CAST: variants seen among roughly 807,000 people sequenced by gnomAD.
The protein encoded by CAST is MIR583 host.
Under a neutral mutation model 119.6 loss-of-function variants are expected in CAST, and 76 were observed. The ratio of observed to expected loss-of-function variants is 0.64; its 90% CI spans 0.53 to 0.77. The LOEUF is 0.77. CAST is among the 30% of genes least tolerant of loss of function. The pLI is 0.00. For missense variants in CAST, 953 were observed against 946.5 expected, an observed-to-expected ratio of 1.01 and a Z score of -0.09; for synonymous variants, 319 against 331.6, an observed-to-expected ratio of 0.96 and a Z score of 0.41.
chr5:96,066,836 T>A, the CAST span, among the ~76,000 whole-genome samples: 738 of 147,348 alleles, frequency 5.0e-3, 7 homozygotes, highest in African/African-American at 0.017. Flanking sequence ...GTTAACAAAA[T>A]TTTTTTTTTT....
At chr5:96,111,398 C>G in the CAST span, among the ~76,000 whole-genome samples, 1 of 152,192 alleles carries the variant, frequency 6.6e-6, no homozygotes, top group East Asian at 1.9e-4. Flanking sequence ...TATGAAGGCT[C>G]TATTATGTAG....
the CAST span, among the ~76,000 whole-genome samples, chr5:96,078,976 A>G: frequency 6.6e-6 from 1 of 152,082 alleles, no homozygotes; most frequent in Non-Finnish European, 1.5e-5. Context: ...AGGAAGTATA[A>G]TTAATGGGTT....
the CAST span, among the ~76,000 whole-genome samples, chr5:96,160,680 T>G: frequency 6.4e-3 from 977 of 152,302 alleles, 11 homozygotes; most frequent in African/African-American, 0.022. Context: ...TTTTAGGAAC[T>G]GCCAAACTGT....
intron 14 of CAST, 58 bp downstream of exon 14, chr5:96,741,416 G>T: frequency 6.8e-7 from 1 of 1,477,296 alleles, no homozygotes; most frequent in Non-Finnish European, 9.5e-7. Context: ...AACTTTAAAA[G>T]AATAACTTTT....
the CAST span, among the ~76,000 whole-genome samples, chr5:96,102,200 G>T: frequency 2.0e-5 from 3 of 152,282 alleles, no homozygotes; most frequent in South Asian, 2.1e-4. Context: ...CATCCAAGAA[G>T]AATGAAGTCA....
chr5:96,162,732 C>T, the CAST span, among the ~76,000 whole-genome samples: 1 of 152,146 alleles, frequency 6.6e-6, no homozygotes, highest in Non-Finnish European at 1.5e-5. Flanking sequence ...TTTAATGTTA[C>T]ATCATCTTTC....
chr5:96,200,347 A>G, the CAST span, among the ~76,000 whole-genome samples: 1 of 152,154 alleles, frequency 6.6e-6, no homozygotes, highest in Non-Finnish European at 1.5e-5. Flanking sequence ...ATTTAAGATG[A>G]TGATTGCTCA....
intron 3 of CAST, 199 bp downstream of exon 3, chr5:96,696,106 T>C (rs1287521358): frequency 2.0e-5 from 7 of 350,136 alleles, no homozygotes; most frequent in Non-Finnish European, 3.8e-5. Context: ...AAACCATTTA[T>C]TGTATAAATC....
chr5:96,198,334 T>C, the CAST span, among the ~76,000 whole-genome samples: 6 of 152,170 alleles, frequency 3.9e-5, no homozygotes, highest in African/African-American at 1.4e-4. Context: ...AAAAGAAATA[T>C]GCCCTTTCCC....
At chr5:96,238,274 AT>A in the CAST span, among the ~76,000 whole-genome samples, 1,816 of 141,780 alleles carry the variant, frequency 0.013, 130 homozygotes, top group Admixed American at 0.11. Context: ...TTTAGATAAT[AT>A]TTTAATGTCA....
At chr5:96,561,801 T>TTTGTTTTTTTTG in intron 1 of CAST, among the ~76,000 whole-genome samples, 1 of 87,686 alleles carries the variant, frequency 1.1e-5, no homozygotes, top group African/African-American at 3.9e-5. Context: ...TTTTTGTTTT[T>TTTGTTTTTTTTG]TTTTTTTTTG....
the CAST span, among the ~76,000 whole-genome samples, chr5:96,374,789 G>A: frequency 2.0e-5 from 3 of 152,286 alleles, no homozygotes; most frequent in South Asian, 2.1e-4. Context: ...TGTGGCCACA[G>A]AGAGATAGAT....
At chr5:96,712,103 C>A (rs1756283129) in intron 3 of CAST, among the ~76,000 whole-genome samples, 1 of 152,204 alleles carries the variant, frequency 6.6e-6, no homozygotes, top group South Asian at 2.1e-4. Flanking sequence ...ACAGCAGTTT[C>A]AAATTCAAAT....
At chr5:96,736,668 G>A (rs1034514710) in intron 10 of CAST, among the ~76,000 whole-genome samples, 1 of 143,778 alleles carries the variant, frequency 7.0e-6, no homozygotes, top group Non-Finnish European at 1.6e-5. Context: ...ATGGGAATAT[G>A]GTAGTTGCAA....
At chr5:96,337,582 G>A in the CAST span, among the ~76,000 whole-genome samples, 3 of 152,172 alleles carry the variant, frequency 2.0e-5, no homozygotes, top group African/African-American at 7.2e-5. Context: ...ACACATGTTT[G>A]GAGGGATCTG....
the CAST span, among the ~76,000 whole-genome samples, chr5:96,409,562 T>C: frequency 2.6e-5 from 4 of 152,142 alleles, no homozygotes; most frequent in African/African-American, 9.7e-5. Context: ...AGATAGAAAA[T>C]CTTTCTTCTG....
chr5:96,209,732 G>A, the CAST span, among the ~76,000 whole-genome samples: 1 of 140,886 alleles, frequency 7.1e-6, no homozygotes, highest in African/African-American at 2.6e-5. Flanking sequence ...CCCTTTGTAG[G>A]TGACCTTCCC....
chr5:96,350,949 C>T, the CAST span, among the ~76,000 whole-genome samples: 10 of 152,104 alleles, frequency 6.6e-5, no homozygotes, highest in Non-Finnish European at 1.3e-4. Context: ...AGTGAAGAAC[C>T]TTGGTAACCA....
the CAST span, among the ~76,000 whole-genome samples, chr5:96,352,815 T>C: frequency 6.6e-6 from 1 of 152,088 alleles, no homozygotes; most frequent in African/African-American, 2.4e-5. Flanking sequence ...CTCTTAATAG[T>C]GAGTGAGTTC....
Sources: gnomAD v4.1 joint callset for allele counts (sites outside exome capture counted in the v4.1 genomes callset) on GRCh38, gnomAD v4.1.1 for gene constraint, MANE v1.5 for transcripts, NCBI Gene and HGNC (gene_info 2026-07-23, HGNC 2026-07-21) for gene names.